Variants in CYFIP1 observed in about 807,000 individuals in gnomAD.
CYFIP1 encodes the protein cytoplasmic FMR1 interacting protein 1, also known as cytoplasmic FMR1-interacting protein 1.
CYFIP1 carries 58 observed loss-of-function variants against 163.5 expected under a neutral mutation model. That is an observed-to-expected ratio of 0.35 (90% confidence interval 0.29 to 0.44). CYFIP1 has a LOEUF of 0.44. Among genes scored for constraint, CYFIP1 ranks in the 20% least tolerant of loss-of-function variants. The pLI, the probability that CYFIP1 is intolerant of heterozygous loss-of-function variation, is 1.00. For synonymous variants in CYFIP1, 663 were observed against 660.7 expected (o/e 1.00, Z -0.05); for missense variants, 1,338 against 1,653.8 (o/e 0.81, Z 3.31).
At chr15:22,914,982 C>G (rs1411366915) in intron 16 of CYFIP1, 100 bp from the exon 17 acceptor site, 2 of 1,278,078 alleles carry the variant, frequency 1.6e-6, no homozygotes, top group Non-Finnish European at 2.1e-6. Context: ...TGCTCCTCCT[C>G]GCTCAGCCCC....
At chr15:22,923,461 C>T (rs897484543) in intron 13 of CYFIP1, among the ~76,000 whole-genome samples, 12 of 152,120 alleles carry the variant, frequency 7.9e-5, no homozygotes, top group African/African-American at 2.9e-4. Context: ...AAAAGACATA[C>T]AATAACAAGT....
At chr15:22,949,109 G>A (rs1276661715) in intron 1 of CYFIP1, among the ~76,000 whole-genome samples, 3 of 152,158 alleles carry the variant, frequency 2.0e-5, no homozygotes, top group African/African-American at 7.2e-5. Context: ...TCCACACCCA[G>A]ACACATCACG....
At chr15:22,961,444 T>C (rs747550095) in intron 1 of CYFIP1, among the ~76,000 whole-genome samples, 5 of 152,210 alleles carry the variant, frequency 3.3e-5, no homozygotes, top group Admixed American at 1.3e-4. Context: ...AGTGGTGTGA[T>C]AACAGCTTAC....
In CYFIP1 at chr15:22,889,633, C is replaced by T. The variant is rs57848798; in HGVS notation, c.2676+3257G>A. On this transcript the variant is annotated intron_variant, in intron 23 of 30. Transcript: ENST00000617928. ...CCACGCAGTCGGGTCGCCTGCCTAC[C>T]CCCCGCCTGCCTCCCTCGCTTCCAC... 6.3e-3 allele frequency among the ~76,000 whole-genome samples: 953 copies of T among 152,258 alleles called. 9 individuals are homozygous for T. Among genetic ancestry groups the T allele is most frequent in the African/African-American group, 0.022 (913 of 41,536 alleles).
At chr15:22,871,949 GTATT>G (rs58822204) in intron 30 of CYFIP1, among the ~76,000 whole-genome samples, 36,120 of 151,842 alleles carry the variant, frequency 0.24, 4,530 homozygotes, top group Admixed American at 0.32. Context: ...ATAATCAGTG[GTATT>G]TAAACTGCCA....
In CYFIP1 at chr15:22,946,077, C is replaced by T. The variant is rs141300653; in HGVS notation, c.207+926G>A. ...CCAGTACTTTGGGAGGCTGGGCAGG[C>T]GGATTCCTTGAGTCCAGGAATTCAA... On this transcript the variant is annotated intron_variant, in intron 3 of 30. Coordinates refer to ENST00000617928, the MANE Select transcript of CYFIP1 (RefSeq NM_014608.6). Among the ~76,000 whole-genome samples the T allele has an allele frequency of 4.3e-3, 651 of 151,548 alleles. 4 individuals are homozygous for T. The highest frequency in any genetic ancestry group is 0.014 in the African/African-American group (576 of 41,288).
At position 22,962,574 on chromosome 15, in the gene CYFIP1, A is replaced by AT. The variant is rs1231432991; in HGVS notation, c.-6-15284dup. On this transcript the variant is annotated intron_variant, in intron 1 of 30. Transcript: ENST00000617928. ...CCACCATGCCCGGCTAAATTTTGTT[A>AT]TTTTTTTTTAGTAGAGACAGGATTT... Among the ~76,000 whole-genome samples, 107 of 148,256 alleles carry AT rather than the reference A, an allele frequency of 7.2e-4. 1 individual carries two copies. The highest frequency in any genetic ancestry group is 1.3e-3 in the South Asian group (6 of 4,634).
intron 18 of CYFIP1, 80 bp from the exon 19 acceptor site, chr15:22,910,893 GTTAAGGCAAC>G: frequency 8.1e-7 from 1 of 1,239,614 alleles, no homozygotes; most frequent in Non-Finnish European, 1.2e-6. Context: ...AAAATGTTTC[GTTAAGGCAAC>G]TAACTGAGGC....
chr15:22,874,497 C>T (rs1223636268), intron 28 of CYFIP1, 53 bp downstream of exon 28: 42 of 1,419,314 alleles, frequency 3.0e-5, no homozygotes, highest in Non-Finnish European at 3.9e-5. Context: ...GGCCACCTGG[C>T]CTGGCATGGA....
chr15:22,933,965 T>A (rs138239278), intron 9 of CYFIP1, 72 bp from the exon 10 acceptor site: 11 of 1,040,456 alleles, frequency 1.1e-5, no homozygotes, highest in Middle Eastern at 2.1e-4. Flanking sequence ...ACAAGGAAAC[T>A]GACTAATGCT....
In CYFIP1 at chr15:22,922,043, A is replaced by C. The variant is rs537768169; in HGVS notation, c.1360-3185T>G. Among the ~76,000 whole-genome samples the C allele has an allele frequency of 4.6e-5, 7 of 152,074 alleles. No individual in the cohort carries two copies. In the South Asian group the frequency reaches 1.2e-3, roughly 27 times the overall value. ...AATCAAGGTGGACCCTTGTGCAGGA[A>C]AGGGTTAACTCAGCAGGCTGGGGAG... On this transcript the variant is annotated intron_variant, in intron 13 of 30. Coordinates refer to ENST00000617928, the MANE Select transcript of CYFIP1 (RefSeq NM_014608.6).
In CYFIP1 at chr15:22,877,041, A is replaced by G. The variant is rs140085633; in HGVS notation, c.3043-1770T>C. Among the ~76,000 whole-genome samples the G allele has an allele frequency of 4.7e-3, 708 of 152,180 alleles. 2 individuals carry two copies. Among genetic ancestry groups the G allele is most frequent in the Non-Finnish European group, 7.0e-3 (477 of 67,990 alleles). On this transcript the variant is annotated intron_variant, in intron 26 of 30. Transcript: ENST00000617928. Reference sequence around the variant, plus strand: ...GACAGGCATCCTCAGGCTTGGACATACACAGAGGCTATGGTTTGGATGTGG... The same window carrying G: ...GACAGGCATCCTCAGGCTTGGACATGCACAGAGGCTATGGTTTGGATGTGG...
chr15:22,880,062 G>C lies in CYFIP1; in HGVS notation c.2912-19C>G. ...AGGATACCTACGGTGGCGGGAGTGA[G>C]GTGGGGTTGGGGGACTGGAGGGGGC... On this transcript the variant is annotated intron_variant, in intron 25 of 30. Coordinates refer to ENST00000617928, the MANE Select transcript of CYFIP1 (RefSeq NM_014608.6). The C allele has an allele frequency of 6.2e-7, 1 of 1,613,142 alleles. No individual in the cohort carries two copies. Among genetic ancestry groups the C allele is most frequent in the Non-Finnish European group, 8.5e-7 (1 of 1,179,844 alleles).
At chr15:22,901,701 G>A (rs901219654) in intron 22 of CYFIP1, among the ~76,000 whole-genome samples, 2 of 152,218 alleles carry the variant, frequency 1.3e-5, no homozygotes, top group African/African-American at 4.8e-5. Flanking sequence ...GCCAGGCAAC[G>A]AGCAAAGTCC....
chr15:22,919,190 C>T (rs1269085922), intron 13 of CYFIP1, among the ~76,000 whole-genome samples: 1 of 152,144 alleles, frequency 6.6e-6, no homozygotes, highest in African/African-American at 2.4e-5. Context: ...CATGATATTA[C>T]TAGAAAAAGA....
At chr15:22,893,068 T>C in intron 22 of CYFIP1, 91 bp from the exon 23 acceptor site, 1 of 895,352 alleles carries the variant, frequency 1.1e-6, no homozygotes, top group South Asian at 1.5e-5. Flanking sequence ...ATCTACTAAA[T>C]CTTCCTCCCA....
rs1463807907 is a variant in CYFIP1, at chr15:22,873,027, T to C, written c.3450-55A>G. On this transcript the variant is annotated intron_variant, in intron 29 of 30. Coordinates refer to ENST00000617928, the MANE Select transcript of CYFIP1 (RefSeq NM_014608.6). ...AGATGAGTGATACGTTATGAAGTCT[T>C]TTCTCAGTCTGTCTCCAGATGTCAG... The C allele has an allele frequency of 3.1e-6, 5 of 1,589,972 alleles. No individual in the cohort carries two copies. The African/African-American group carries it at 6.7e-5, about 21-fold the overall frequency.
chr15:22,933,085 C>T (rs1293327361), intron 10 of CYFIP1, among the ~76,000 whole-genome samples: 3 of 152,114 alleles, frequency 2.0e-5, no homozygotes, highest in Admixed American at 6.5e-5. Flanking sequence ...CCATCCACCT[C>T]GGCCTCCCAA....
rs398026554 is a variant in CYFIP1 at position 22,888,733 on chromosome 15, C to CAA, written c.2676+4155_2676+4156dup. ...GGGTGACAAAGCAAAAACCCTGTCT[C>CAA]AAAAAAAAAAAAAATTACTGGTTTA... On this transcript the variant is annotated intron_variant, in intron 23 of 30. Transcript: ENST00000617928. Among the ~76,000 whole-genome samples, 585 of 138,256 alleles carry CAA rather than the reference C, an allele frequency of 4.2e-3. 3 individuals are homozygous for CAA. The highest frequency in any genetic ancestry group is 6.9e-3 in the Non-Finnish European group (445 of 64,498). The allele number at this position is 138,256 out of a possible 152,430, so 90.7% of individuals were successfully genotyped here.
Sources: gnomAD v4.1 joint callset for allele counts (sites outside exome capture counted in the v4.1 genomes callset) on GRCh38, gnomAD v4.1.1 for gene constraint, MANE v1.5 for transcripts, NCBI Gene and HGNC (gene_info 2026-07-23, HGNC 2026-07-21) for gene names.